The following SIAH2 variants were observed in gnomAD, a reference collection of about 807,000 sequenced individuals.
SIAH2 encodes the protein siah E3 ubiquitin protein ligase 2.
Under a neutral mutation model 20.4 loss-of-function variants are expected in SIAH2, and 4 were observed. The observed-to-expected ratio is 0.20, with a 90% CI of 0.10 to 0.45. The LOEUF (loss-of-function observed/expected upper bound fraction) is 0.45, where lower values mean the gene tolerates loss of function less well. Ranked by LOEUF, SIAH2 falls within the 20% of genes least tolerant of loss-of-function variation. The pLI, the probability that SIAH2 is intolerant of heterozygous loss-of-function variation, is 0.99. For missense variants in SIAH2, 259 were observed against 440.3 expected (o/e 0.59, Z 3.69); for synonymous variants, 171 against 192.5 (o/e 0.89, Z 0.93).
chr3:150,751,309 C>T (rs1714354578), intron 1 of SIAH2, among the ~76,000 whole-genome samples: 1 of 151,912 alleles, frequency 6.6e-6, no homozygotes. Context: ...CAGCATGTGC[C>T]TGTAGTCAGG....
At chr3:150,756,997 C>T (rs926376270) in intron 1 of SIAH2, among the ~76,000 whole-genome samples, 3 of 152,134 alleles carry the variant, frequency 2.0e-5, no homozygotes, top group Non-Finnish European at 4.4e-5. Flanking sequence ...CTTCCTGCTT[C>T]CAGGTGATCC....
chr3:150,762,045 T>A lies in SIAH2; in HGVS notation c.417+388A>T. On this transcript the variant is annotated intron_variant, in intron 1 of 1. Coordinates refer to ENST00000312960, the MANE Select transcript of SIAH2 (RefSeq NM_005067.7). This position sits in a 1 kb window ranked among gnomAD's most constrained non-coding sequence, Gnocchi z 6.6. Reference sequence around the variant, plus strand: ...GAGCCCAGCGCTGGTAAAGGGGGCGTTTAGCTCGCCCGTTTCCTCCCTCCT... The same window carrying A: ...GAGCCCAGCGCTGGTAAAGGGGGCGATTAGCTCGCCCGTTTCCTCCCTCCT... 1 of 229,524 alleles carries A rather than the reference T, an allele frequency of 4.4e-6. No individual in the cohort carries two copies. The highest frequency in any genetic ancestry group is 4.8e-5 in the South Asian group (1 of 20,698). The allele number at this position is 229,524 out of a possible 1,614,324, so 14.2% of individuals were successfully genotyped here.
rs1714118367 is a variant in SIAH2, at chr3:150,742,539, T to C, written c.577A>G (p.Lys193Glu). The change falls in exon 2 of 2, where the codon AAG (lysine) becomes GAG (glutamate). Residue 193 changes from lysine to glutamate, a missense_variant. Transcript: ENST00000312960. The surrounding 1 kb of genome is among the most constrained non-coding windows in gnomAD (Gnocchi z 4.8). ...AVMSHLMHAH[K>E]SITTLQGEDI... is the part of the protein sequence containing the mutation. ...TCTCCCTGAAGGGTGGTAATGCTCT[T>C]GTGGGCGTGCATGAGATGGGACATC... 1 of 1,613,942 alleles carries C rather than the reference T, an allele frequency of 6.2e-7. No homozygotes were observed. The highest frequency in any genetic ancestry group is 1.3e-5 in the African/African-American group (1 of 74,922).
At chr3:150,752,987 G>C (rs971706921) in intron 1 of SIAH2, among the ~76,000 whole-genome samples, 1 of 152,316 alleles carries the variant, frequency 6.6e-6, no homozygotes, top group East Asian at 1.9e-4. Flanking sequence ...CCATCTATAA[G>C]CAAGGCAAGC....
chr3:150,744,834 C>T (rs935067503), intron 1 of SIAH2, among the ~76,000 whole-genome samples: 1 of 152,186 alleles, frequency 6.6e-6, no homozygotes. Context: ...ACGAACTCAA[C>T]ATTTACAGCA....
In SIAH2 at chr3:150,762,628, C is replaced by T. The variant is rs747475638; in HGVS notation, c.222G>A (p.Leu74=). The change falls in exon 1 of 2, where the codon CTG becomes CTA. Residue 74 remains leucine (L), a synonymous_variant. Transcript: ENST00000312960. The surrounding 1 kb of genome is among the most constrained non-coding windows in gnomAD (Gnocchi z 6.6). ...AGPVSPQHHE[L]TSLFECPVCF... is the part of the protein sequence containing the mutation. ...AGACCGGACACTCGAAGAGCGAGGT[C>T]AGCTCGTGGTGCTGCGGGGACACCG... The T allele has an allele frequency of 1.2e-6, 2 of 1,608,742 alleles. No individual in the cohort carries two copies. Among genetic ancestry groups the T allele is most frequent in the East Asian group, 2.3e-5 (1 of 44,436 alleles).
chr3:150,745,348 TG>T (rs906467643), intron 1 of SIAH2, among the ~76,000 whole-genome samples: 2 of 152,086 alleles, frequency 1.3e-5, no homozygotes, highest in African/African-American at 4.8e-5. Flanking sequence ...ATGGGTGTTT[TG>T]TCACTTTCAT....
At chr3:150,754,553 C>T (rs1714441970) in intron 1 of SIAH2, among the ~76,000 whole-genome samples, 1 of 152,100 alleles carries the variant, frequency 6.6e-6, no homozygotes. Flanking sequence ...AACCATATCA[C>T]CATCTCACTT....
chr3:150,742,470 C>T lies in SIAH2; in HGVS notation c.646G>A (p.Val216Ile). Reference sequence around the variant, plus strand: ...CATGACTGCATCATCACCCAGTCGACAGCCCCTGGCAAGTTAATGTCTGTA... The same window carrying T: ...CATGACTGCATCATCACCCAGTCGATAGCCCCTGGCAAGTTAATGTCTGTA... ...LATDINLPGA[V>I]DWVMMQSCFG... The change falls in exon 2 of 2, where the codon GTC becomes ATC. Residue 216 changes from valine to isoleucine, a missense_variant. This residue lies in a region of SIAH2 where 160 missense variants were observed against 327.6 expected (regional missense o/e 0.49). Coordinates refer to ENST00000312960, the MANE Select transcript of SIAH2 (RefSeq NM_005067.7). The surrounding 1 kb of genome is among the most constrained non-coding windows in gnomAD (Gnocchi z 4.8). 6.2e-7 allele frequency: 1 copy of T among 1,614,228 alleles called. No homozygotes were observed. The highest frequency in any genetic ancestry group is 8.5e-7 in the Non-Finnish European group (1 of 1,180,048).
intron 1 of SIAH2, among the ~76,000 whole-genome samples, chr3:150,744,074 TC>T (rs1184181344): frequency 1.3e-5 from 2 of 151,542 alleles, no homozygotes; most frequent in African/African-American, 2.4e-5. Context: ...TATAGAATAA[TC>T]CCCCTTTTAA....
chr3:150,745,842 A>G (rs1278043410), intron 1 of SIAH2, among the ~76,000 whole-genome samples: 1 of 152,154 alleles, frequency 6.6e-6, no homozygotes, highest in Non-Finnish European at 1.5e-5. Flanking sequence ...AAGAGTTTCC[A>G]GGGCTGAGAA....
chr3:150,745,474 C>G (rs1338318695), intron 1 of SIAH2, among the ~76,000 whole-genome samples: 1 of 151,920 alleles, frequency 6.6e-6, no homozygotes, highest in East Asian at 1.9e-4. Flanking sequence ...CTCACTGGCC[C>G]CTGGCCTTGG....
chr3:150,753,715 GC>G (rs968378404), intron 1 of SIAH2, among the ~76,000 whole-genome samples: 2 of 152,056 alleles, frequency 1.3e-5, no homozygotes, highest in Admixed American at 1.3e-4. Context: ...GATCCCCTGA[GC>G]CCAGGAGGTT....
At position 150,742,302 on chromosome 3, in the gene SIAH2, G is replaced by T; in HGVS notation, c.814C>A (p.Arg272=). 6.2e-7 allele frequency: 1 copy of T among 1,614,106 alleles called. No homozygotes were observed. The highest frequency in any genetic ancestry group is 8.5e-7 in the Non-Finnish European group (1 of 1,180,028). ...GGCGTGGCCTCCCAGGTCAATCTCC[G>T]CCGGTTCCCATTCAACTCCAGTCTG... ...AYRLELNGNR[R]RLTWEATPRS... is the part of the protein sequence containing the mutation. Residue 272 remains arginine (R), a synonymous_variant, in exon 2 of 2, where the codon CGG becomes AGG. Transcript: ENST00000312960. The surrounding 1 kb of genome is among the most constrained non-coding windows in gnomAD (Gnocchi z 4.8).
rs1714095562 is a variant in SIAH2, at chr3:150,741,908, A to C, written c.*233T>G. ...TTTAGGGAGTAAATACAATTCAATA[A>C]GAGTTGTTTTAGATCACAGAACAGC... is the stretch of plus-strand genomic sequence containing the variant. On this transcript the variant is annotated 3_prime_UTR_variant, in exon 2 of 2. Coordinates refer to ENST00000312960, the MANE Select transcript of SIAH2 (RefSeq NM_005067.7). 5.7e-6 allele frequency: 3 copies of C among 524,712 alleles called. No homozygotes were observed. Among genetic ancestry groups the C allele is most frequent in the Non-Finnish European group, 1.0e-5 (3 of 292,810 alleles). The allele number at this position is 524,712 out of a possible 1,614,324, so 32.5% of individuals were successfully genotyped here.
At chr3:150,759,345 A>G (rs958999754) in intron 1 of SIAH2, among the ~76,000 whole-genome samples, 2 of 152,148 alleles carry the variant, frequency 1.3e-5, no homozygotes, top group African/African-American at 4.8e-5. Context: ...ACAAAATACT[A>G]GGTTTGTAGG....
chr3:150,746,450 C>A (rs1714214798), intron 1 of SIAH2, among the ~76,000 whole-genome samples: 1 of 152,024 alleles, frequency 6.6e-6, no homozygotes, highest in African/African-American at 2.4e-5. Flanking sequence ...AGGTGAGGGA[C>A]CTTCCTGACA....
At chr3:150,757,485 G>T (rs1452648215) in intron 1 of SIAH2, among the ~76,000 whole-genome samples, 1 of 152,180 alleles carries the variant, frequency 6.6e-6, no homozygotes, top group Non-Finnish European at 1.5e-5. Context: ...GGGCCTAACA[G>T]AGTTCCAAAG....
chr3:150,752,697 G>C (rs767823116), intron 1 of SIAH2, among the ~76,000 whole-genome samples: 1 of 152,032 alleles, frequency 6.6e-6, no homozygotes, highest in Non-Finnish European at 1.5e-5. Context: ...CTCCGGCCCC[G>C]CAAGTTATTT....
Sources: gnomAD v4.1 joint callset for allele counts (sites outside exome capture counted in the v4.1 genomes callset) on GRCh38, gnomAD v4.1.1 for gene constraint, gnomAD v4.1.1 regional missense constraint, Gnocchi (gnomAD v3.1) non-coding constraint, MANE v1.5 for transcripts, NCBI Gene and HGNC (gene_info 2026-07-23, HGNC 2026-07-21) for gene names.